The following SALL2 variants were observed in gnomAD, a reference collection of about 807,000 sequenced individuals.
SALL2 encodes the protein spalt like transcription factor 2, also known as sal-like protein 2.
Under a neutral mutation model 58.5 loss-of-function variants are expected in SALL2, and 32 were observed. That is an observed-to-expected ratio of 0.55 (90% CI 0.41 to 0.74). The LOEUF is 0.74. Among genes scored for constraint, SALL2 ranks in the 30% least tolerant of loss-of-function variants. SALL2 has a pLI of 0.00. For synonymous variants in SALL2, 516 were observed against 513.6 expected (o/e 1.00, Z -0.06); for missense variants, 1,201 against 1,268.9 (o/e 0.95, Z 0.81).
chr14:21,529,807 C>G (rs1299407333), upstream of SALL2, among the ~76,000 whole-genome samples: 1 of 152,060 alleles, frequency 6.6e-6, no homozygotes, highest in Non-Finnish European at 1.5e-5. Flanking sequence ...ACCAACCAAA[C>G]TTAAAAAAAA....
chr14:21,525,503 A>G lies in SALL2; in HGVS notation c.219T>C (p.Ser73=), dbSNP rs779201518. Residue 73 remains serine, a synonymous_variant, in exon 2 of 2, where the codon TCT becomes TCC. Transcript: ENST00000537235. This position sits in a 1 kb window ranked among gnomAD's most constrained non-coding sequence, Gnocchi z 4.4. ...IIGGQENPNN[S]SASSEPRPEG... is the part of the protein sequence containing the mutation. ...CAGGCCGGGGTTCAGAGGAGGCCGA[A>G]GAGTTGTTGGGGTTCTCCTGGCCCC... 6.8e-6 allele frequency: 11 copies of G among 1,613,838 alleles called. No individual in the cohort carries two copies. Among genetic ancestry groups the G allele is most frequent in the African/African-American group, 1.3e-5 (1 of 74,906 alleles).
rs770857612 is a variant in SALL2 at position 21,522,974 on chromosome 14, C to T, written c.2748G>A (p.Gln916=). 4 of 1,614,002 alleles carry T rather than the reference C, an allele frequency of 2.5e-6. No individual in the cohort carries two copies. In the Admixed American group the frequency reaches 5.0e-5, roughly 20 times the overall value. ...SSRKACEVCG[Q]AFPSQAALEE... is the part of the protein sequence containing the mutation. Reference sequence around the variant, plus strand: ...CCAGAGCTGCCTGGGAGGGAAAGGCCTGGCCACACACTTCGCAGGCCTTTC... The same window carrying T: ...CCAGAGCTGCCTGGGAGGGAAAGGCTTGGCCACACACTTCGCAGGCCTTTC... Residue 916 remains glutamine (Q), a synonymous_variant, in exon 2 of 2, where the codon CAG becomes CAA. Coordinates refer to ENST00000537235, the MANE Select transcript of SALL2 (RefSeq NM_001364564.1).
chr14:21,525,932 G>A lies in SALL2; in HGVS notation c.67+129C>T, dbSNP rs1892285177. The A allele has an allele frequency of 3.6e-5, 35 of 962,530 alleles. 1 individual carries two copies. In the South Asian group the frequency reaches 5.1e-4, roughly 14 times the overall value. The allele number at this position is 962,530 out of a possible 1,614,324, so 59.6% of individuals were successfully genotyped here. ...TTCCCCAGGCCACAAGCGAGTTCAC[G>A]GAATAGGTGTGGGGACAGGGGCCTA... On this transcript the variant is annotated intron_variant, in intron 1 of 1. Coordinates refer to ENST00000537235, the MANE Select transcript of SALL2 (RefSeq NM_001364564.1). This position sits in a 1 kb window ranked among gnomAD's most constrained non-coding sequence, Gnocchi z 4.4.
intron 1 of SALL2, among the ~76,000 whole-genome samples, chr14:21,532,464 A>G (rs1011475202): frequency 5.0e-5 from 7 of 139,596 alleles, no homozygotes; most frequent in African/African-American, 1.9e-4. Context: ...GGTAAATTTT[A>G]TTACACATAT....
chr14:21,524,526 T>C lies in SALL2; in HGVS notation c.1196A>G (p.Tyr399Cys). 2 of 1,614,206 alleles carry C rather than the reference T, an allele frequency of 1.2e-6. No homozygotes were observed. The highest frequency in any genetic ancestry group is 1.7e-6 in the Non-Finnish European group (2 of 1,180,032). The change falls in exon 2 of 2, where the codon TAT (tyrosine) becomes TGT (cysteine). Residue 399 changes from tyrosine (Y) to cysteine (C), a missense_variant. Tyr to Cys is a radical substitution (Grantham distance 194). Around this residue, in one of 3 missense-constraint regions of SALL2, gnomAD observed 59 missense variants for 116.2 expected, o/e 0.51. Transcript: ENST00000537235. ...ACGGTTTCCACAGACATTGCACTTA[T>C]AGGGCCTCTCACCCGTGTGGGAACG... is the stretch of plus-strand genomic sequence containing the variant. ...HLRSHTGERP[Y>C]KCNVCGNRFT...
In SALL2 at chr14:21,524,234, G is replaced by C; in HGVS notation, c.1488C>G (p.Gly496=). The C allele has an allele frequency of 6.2e-7, 1 of 1,613,322 alleles. No individual in the cohort carries two copies. The highest frequency in any genetic ancestry group is 8.5e-7 in the Non-Finnish European group (1 of 1,179,632). The change falls in exon 2 of 2, where the codon GGC becomes GGG. Residue 496 remains glycine (G), a synonymous_variant. Coordinates refer to ENST00000537235, the MANE Select transcript of SALL2 (RefSeq NM_001364564.1). ...CAGGGAGTCCTGGAGCCGTGGCTGT[G>C]CCTGCACTGGTGGAGAGCAGAGTCA... ...ESLTLLSTSA[G]TATAPGLPAF...
At chr14:21,533,244 C>T (rs547714383) in intron 1 of SALL2, among the ~76,000 whole-genome samples, 2 of 152,224 alleles carry the variant, frequency 1.3e-5, no homozygotes, top group Admixed American at 1.3e-4. Context: ...CTGAGATACT[C>T]TCTATTCCAA....
upstream of SALL2, among the ~76,000 whole-genome samples, chr14:21,530,201 CT>C: frequency 6.7e-6 from 1 of 149,792 alleles, no homozygotes; most frequent in East Asian, 2.0e-4. Context: ...GATTGCATTT[CT>C]TTCCCAGGTA....
rs757135731 is a variant in SALL2 at position 21,522,228 on chromosome 14, A to G, written c.*476T>C. On this transcript the variant is annotated 3_prime_UTR_variant, in exon 2 of 2. Coordinates refer to ENST00000537235, the MANE Select transcript of SALL2 (RefSeq NM_001364564.1). ...CTTCATGGGCAGGCCATTTGACAGG[A>G]ATGCCACATACTGGTTCTAGAAAGA... is the stretch of plus-strand genomic sequence containing the variant. 3 of 1,595,130 alleles carry G rather than the reference A, an allele frequency of 1.9e-6. No individual in the cohort carries two copies. The highest frequency in any genetic ancestry group is 2.7e-5 in the African/African-American group (2 of 74,890).
At chr14:21,526,768 A>C (rs1456190812), upstream of SALL2, among the ~76,000 whole-genome samples, 2 of 151,946 alleles carry the variant, frequency 1.3e-5, no homozygotes, top group Non-Finnish European at 2.9e-5. Flanking sequence ...AGAGGGGGAG[A>C]TCAGAACATC....
chr14:21,526,974 C>T (rs1052955414), upstream of SALL2, among the ~76,000 whole-genome samples: 1 of 152,190 alleles, frequency 6.6e-6, no homozygotes. Flanking sequence ...GCCCCTCCTC[C>T]CCCTGAATAA....
intron 1 of SALL2, 36 bp downstream of exon 1, chr14:21,526,025 C>A: frequency 7.0e-7 from 1 of 1,428,538 alleles, no homozygotes; most frequent in Non-Finnish European, 9.5e-7. Context: ...CCCCCTCCGC[C>A]CCCACCCCTG....
rs1341661941 is a variant in SALL2 at position 21,524,491 on chromosome 14, G to A, written c.1231C>T (p.Arg411Cys). Residue 411 changes from arginine (R) to cysteine (C), a missense_variant, in exon 2 of 2, where the codon CGT (arginine) becomes TGT (cysteine). Around this residue, in one of 3 missense-constraint regions of SALL2, gnomAD observed 59 missense variants for 116.2 expected, o/e 0.51. Transcript: ENST00000537235. ...CNVCGNRFTT[R>C]GNLKVHFHRH... ...TGGAAATGCACTTTGAGGTTGCCAC[G>A]GGTGGTAAAACGGTTTCCACAGACA... The A allele has an allele frequency of 4.3e-6, 7 of 1,614,104 alleles. No individual in the cohort carries two copies. Among genetic ancestry groups the A allele is most frequent in the African/African-American group, 2.7e-5 (2 of 74,926 alleles).
At chr14:21,533,345 CAG>C (rs546144178) in intron 1 of SALL2, among the ~76,000 whole-genome samples, 177 of 152,278 alleles carry the variant, frequency 1.2e-3, no homozygotes, top group Non-Finnish European at 2.1e-3. Context: ...CAAATGTAAA[CAG>C]AGCCCCCAAA....
In SALL2 at chr14:21,522,465, C is replaced by A. The variant is rs1892077246; in HGVS notation, c.*239G>T. 7.1e-7 allele frequency: 1 copy of A among 1,400,028 alleles called. No homozygotes were observed. The highest frequency in any genetic ancestry group is 9.3e-7 in the Non-Finnish European group (1 of 1,080,956). The allele number at this position is 1,400,028 out of a possible 1,614,324, so 86.7% of individuals were successfully genotyped here. ...GAGAGGGTTCCCCTTGAGAAAGCTG[C>A]AGAGAATCTATGTTCCTCAGGTACA... is the stretch of plus-strand genomic sequence containing the variant. On this transcript the variant is annotated 3_prime_UTR_variant, in exon 2 of 2. Transcript: ENST00000537235.
intron 1 of SALL2, 47 bp downstream of exon 1, chr14:21,526,014 T>TCCCCCCCCCCCCCCCCCCCC: frequency 9.6e-7 from 1 of 1,041,060 alleles, no homozygotes; most frequent in South Asian, 1.4e-5. Context: ...CCCCTGCGCA[T>TCCCCCCCCCCCCCCCCCCCC]CCCCCTCCGC....
rs890342426 is a variant in SALL2, at chr14:21,525,866, G to A, written c.67+195C>T. Among the ~76,000 whole-genome samples the A allele has an allele frequency of 2.0e-5, 3 of 148,340 alleles. No homozygotes were observed. The highest frequency in any genetic ancestry group is 4.5e-5 in the Non-Finnish European group (3 of 66,620). On this transcript the variant is annotated intron_variant, in intron 1 of 1. Transcript: ENST00000537235. This position sits in a 1 kb window ranked among gnomAD's most constrained non-coding sequence, Gnocchi z 4.4. ...GGGGGGTGGGGAGGGAGGAGGGGAG[G>A]GGGGCAAGAGCATGCTACTCCCCTC...
At chr14:21,532,364 T>C (rs1429589186) in intron 1 of SALL2, among the ~76,000 whole-genome samples, 1 of 152,170 alleles carries the variant, frequency 6.6e-6, no homozygotes, top group Non-Finnish European at 1.5e-5. Context: ...TGTTTGATGA[T>C]GAAAAAGATA....
At chr14:21,526,039 A>G in intron 1 of SALL2, 22 bp downstream of exon 1, 1 of 733,190 alleles carries the variant, frequency 1.4e-6, no homozygotes. Flanking sequence ...ACCCCTGCCC[A>G]GCCCGACCGA....
Sources: gnomAD v4.1 joint callset for allele counts (sites outside exome capture counted in the v4.1 genomes callset) on GRCh38, gnomAD v4.1.1 for gene constraint, gnomAD v4.1.1 regional missense constraint, Gnocchi (gnomAD v3.1) non-coding constraint, MANE v1.5 for transcripts, NCBI Gene and HGNC (gene_info 2026-07-23, HGNC 2026-07-21) for gene names.